Variants in RTF1 observed in about 807,000 individuals in gnomAD.
The protein encoded by RTF1 is RTF1 homolog, Paf1/RNA polymerase II complex component, also known as RNA polymerase-associated protein RTF1 homolog.
A neutral mutation model predicts 95.7 loss-of-function variants in RTF1; 10 were observed. The observed-to-expected ratio is 0.10, with a 90% CI of 0.06 to 0.18. The LOEUF is 0.18. RTF1 is among the 10% of genes least tolerant of loss of function. The probability of loss-of-function intolerance (pLI) is 1.00; values close to 1 mark genes in which losing one functional copy is unlikely to be tolerated. For synonymous variants in RTF1, 305 were observed against 311.8 expected (o/e 0.98, Z 0.23); for missense variants, 458 against 875.6 (o/e 0.52, Z 6.02).
At chr15:41,446,449 C>T (rs1464809566) in intron 2 of RTF1, among the ~76,000 whole-genome samples, 1 of 152,048 alleles carries the variant, frequency 6.6e-6, no homozygotes, top group Non-Finnish European at 1.5e-5. Context: ...GCCTGTAGTC[C>T]CAGCTACTCA....
chr15:41,480,892 A>G lies in RTF1; in HGVS notation c.*205A>G, dbSNP rs2050969046. On this transcript the variant is annotated 3_prime_UTR_variant, in exon 18 of 18. Coordinates refer to ENST00000389629, the MANE Select transcript of RTF1 (RefSeq NM_015138.5). ...ATCTCCCACCAGCCTCCCCTCCCCC[A>G]GGGCCCCACCCAGTGTGGGCCTGGG... is the stretch of plus-strand genomic sequence containing the variant. The G allele has an allele frequency of 1.4e-5, 8 of 576,498 alleles. No homozygotes were observed. The highest frequency in any genetic ancestry group is 2.9e-5 in the East Asian group (1 of 34,650). 35.7% of individuals were successfully genotyped at this position (576,498 alleles called of 1,614,324 possible). A position where few individuals can be genotyped will look rare whatever the true frequency, so the allele number is the denominator to read the frequency against.
At chr15:41,476,597 C>A in intron 12 of RTF1, 74 bp downstream of exon 12, 4 of 1,356,814 alleles carry the variant, frequency 2.9e-6, no homozygotes, top group Non-Finnish European at 4.2e-6. Context: ...CATCCTCTGC[C>A]AAGTTAGTGG....
In RTF1 at chr15:41,479,092, T is replaced by TTC; in HGVS notation, c.1819-4_1819-3dup. ...CAAGCAATCTCTAAAACAACTTATTTTCTCTCTCAGTCCAGAGACCCAGCT... is the reference window on the plus strand; with the variant it reads ...CAAGCAATCTCTAAAACAACTTATTTTCTCTCTCTCAGTCCAGAGACCCAGCT... On this transcript the variant is annotated splice_polypyrimidine_tract_variant and intron_variant, in intron 15 of 17. Transcript: ENST00000389629. The TTC allele has an allele frequency of 6.2e-7, 1 of 1,600,600 alleles. No homozygotes were observed. Among genetic ancestry groups the TTC allele is most frequent in the Non-Finnish European group, 8.6e-7 (1 of 1,168,000 alleles).
intron 4 of RTF1, 80 bp from the exon 5 acceptor site, chr15:41,464,691 A>T: frequency 2.4e-6 from 3 of 1,228,736 alleles, no homozygotes; most frequent in African/African-American, 1.5e-5. Flanking sequence ...CCTTTCCCTT[A>T]GTTCCTTTCT....
intron 2 of RTF1, among the ~76,000 whole-genome samples, chr15:41,447,338 C>G (rs532105838): frequency 6.6e-6 from 1 of 152,252 alleles, no homozygotes; most frequent in African/African-American, 2.4e-5. Context: ...CCAGAGCAAC[C>G]AGTCCCCGCC....
At chr15:41,456,121 G>C (rs2050814096) in intron 3 of RTF1, among the ~76,000 whole-genome samples, 1 of 151,224 alleles carries the variant, frequency 6.6e-6, no homozygotes, top group Non-Finnish European at 1.5e-5. Flanking sequence ...CAGGAGAATT[G>C]CTTGAACCCG....
At chr15:41,477,355 A>T (rs1194511883) in intron 13 of RTF1, 69 bp downstream of exon 13, 3 of 1,613,362 alleles carry the variant, frequency 1.9e-6, no homozygotes, top group Non-Finnish European at 2.5e-6. Context: ...TGTGGCCTGT[A>T]CACTCTGTGC....
intron 4 of RTF1, among the ~76,000 whole-genome samples, chr15:41,460,721 T>G (rs2050843263): frequency 1.3e-5 from 2 of 151,604 alleles, no homozygotes; most frequent in South Asian, 4.2e-4. Flanking sequence ...TTAGACAGAG[T>G]CTGGCTTTGT....
rs34660598 is a variant in RTF1 at position 41,449,227 on chromosome 15, A to ATTTTTTTTTTTTT, written c.310-3665_310-3653dup. 9.3e-4 allele frequency among the ~76,000 whole-genome samples: 102 copies of ATTTTTTTTTTTTT among 109,292 alleles called. 5 individuals carry two copies. The highest frequency in any genetic ancestry group is 3.6e-3 in the African/African-American group (95 of 26,396). 71.7% of individuals were successfully genotyped at this position (109,292 alleles called of 152,430 possible). On this transcript the variant is annotated intron_variant, in intron 2 of 17. Coordinates refer to ENST00000389629, the MANE Select transcript of RTF1 (RefSeq NM_015138.5). Reference sequence around the variant, plus strand: ...TTGTCCCTGTTGTGGAGGCAGGTGAATTTTTTTTTTTTTTTTTTTTTGAGA... The same window carrying ATTTTTTTTTTTTT: ...TTGTCCCTGTTGTGGAGGCAGGTGAATTTTTTTTTTTTTTTTTTTTTTTTTTTTTTTTTTGAGA...
intron 2 of RTF1, among the ~76,000 whole-genome samples, chr15:41,447,837 A>G (rs2050771148): frequency 6.6e-6 from 1 of 152,204 alleles, no homozygotes; most frequent in Admixed American, 6.6e-5. Flanking sequence ...TTTGAAGGTT[A>G]TAACAGAGCT....
chr15:41,418,822 T>C (rs1595420430), intron 1 of RTF1, among the ~76,000 whole-genome samples: 1 of 149,460 alleles, frequency 6.7e-6, no homozygotes, highest in Non-Finnish European at 1.5e-5. Flanking sequence ...AAAAAGAAAG[T>C]ATTAAGGCAT....
At chr15:41,425,777 G>T (rs2050626099) in intron 1 of RTF1, among the ~76,000 whole-genome samples, 1 of 152,150 alleles carries the variant, frequency 6.6e-6, no homozygotes. Flanking sequence ...ATGATGTTCA[G>T]TATGTAGAAC....
intron 2 of RTF1, among the ~76,000 whole-genome samples, chr15:41,441,711 C>T (rs1324563113): frequency 6.6e-6 from 1 of 152,176 alleles, no homozygotes; most frequent in African/African-American, 2.4e-5. Context: ...AAGCTGACAG[C>T]AAGCTCCACC....
intron 1 of RTF1, among the ~76,000 whole-genome samples, chr15:41,428,524 T>TC (rs1337899693): frequency 6.6e-6 from 1 of 151,268 alleles, no homozygotes; most frequent in African/African-American, 2.4e-5. Context: ...CACCTCAGCC[T>TC]CCCAAAGTGC....
chr15:41,465,172 C>T (rs555442775), intron 5 of RTF1, among the ~76,000 whole-genome samples: 11 of 150,970 alleles, frequency 7.3e-5, no homozygotes, highest in African/African-American at 2.7e-4. Flanking sequence ...TTCCTCCTTC[C>T]CTTCCTCTTC....
intron 14 of RTF1, 123 bp downstream of exon 14, chr15:41,477,638 ACT>A (rs2050948445): frequency 6.2e-6 from 5 of 812,604 alleles, no homozygotes; most frequent in Admixed American, 2.1e-5. Flanking sequence ...ACGTATACAC[ACT>A]CTCTCTGTAT....
chr15:41,475,908 C>T, intron 11 of RTF1, 89 bp downstream of exon 11: 1 of 666,996 alleles, frequency 1.5e-6, no homozygotes. Context: ...TATATCTTGA[C>T]ATTTTTAGCT....
intron 4 of RTF1, among the ~76,000 whole-genome samples, chr15:41,463,356 G>T (rs1335951499): frequency 6.6e-6 from 1 of 152,164 alleles, no homozygotes; most frequent in East Asian, 1.9e-4. Flanking sequence ...AGAATTGCTG[G>T]CTGGTACGGT....
intron 11 of RTF1, 53 bp downstream of exon 11, chr15:41,475,872 G>C (rs2050939550): frequency 1.1e-6 from 1 of 880,572 alleles, no homozygotes; most frequent in Non-Finnish European, 1.8e-6. Context: ...CCAGTGTTGA[G>C]AGAACATGAT....
Sources: allele counts gnomAD v4.1 joint callset (sites outside exome capture counted in the v4.1 genomes callset), GRCh38; gene constraint gnomAD v4.1.1; transcripts MANE v1.5; gene names NCBI Gene and HGNC (gene_info 2026-07-23, HGNC 2026-07-21).